CCDC60: variants seen among roughly 807,000 people sequenced by gnomAD.
CCDC60 encodes the protein coiled-coil domain-containing protein 60.
In CCDC60, 54 loss-of-function variants were observed where a neutral mutation model predicts 63.5. The observed-to-expected ratio is 0.85, with a 90% CI of 0.68 to 1.07. CCDC60 has a LOEUF of 1.07. Among genes scored for constraint, CCDC60 ranks in the 50% least tolerant of loss-of-function variants. The pLI, the probability that CCDC60 is intolerant of heterozygous loss-of-function variation, is 0.00. For missense variants in CCDC60, 651 were observed against 684.3 expected, an observed-to-expected ratio of 0.95 and a Z score of 0.54; for synonymous variants, 206 against 238.8, an observed-to-expected ratio of 0.86 and a Z score of 1.27.
chr12:119,458,661 C>T (rs1361773612), intron 2 of CCDC60, among the ~76,000 whole-genome samples: 2 of 152,004 alleles, frequency 1.3e-5, no homozygotes, highest in East Asian at 3.9e-4. Context: ...GGAGGGAGGC[C>T]GATTCAGGTC....
chr12:119,434,465 G>A (rs1040078409), intron 2 of CCDC60, among the ~76,000 whole-genome samples: 2 of 152,108 alleles, frequency 1.3e-5, no homozygotes, highest in Admixed American at 6.6e-5. Context: ...AAGAGATGAC[G>A]ACTTGCATTA....
chr12:119,540,674 C>G lies in CCDC60; in HGVS notation c.1612C>G (p.Arg538Gly). 1 of 1,613,964 alleles carries G rather than the reference C, an allele frequency of 6.2e-7. No homozygotes were observed. Among genetic ancestry groups the G allele is most frequent in the Non-Finnish European group, 8.5e-7 (1 of 1,179,992 alleles). The part of the protein sequence containing the change: ...QEDYISWLQS[R>G]INIPIGPYSA... ...GGATTACATCAGCTGGCTGCAGAGC[C>G]GGATCAACATACCCATTGGGCCCTA... Residue 538 changes from arginine to glycine, a missense_variant, in exon 14 of 14, where the codon CGG (arginine) becomes GGG (glycine). Coordinates refer to ENST00000327554, the MANE Select transcript of CCDC60 (RefSeq NM_178499.5).
chr12:119,423,879 A>C (rs562089153), intron 1 of CCDC60, among the ~76,000 whole-genome samples: 1 of 152,328 alleles, frequency 6.6e-6, no homozygotes, highest in African/African-American at 2.4e-5. Context: ...AGCTTACATC[A>C]TTCCAGACTC....
At chr12:119,411,815 C>A (rs997605759) in intron 1 of CCDC60, among the ~76,000 whole-genome samples, 1 of 152,036 alleles carries the variant, frequency 6.6e-6, no homozygotes, top group African/African-American at 2.4e-5. Flanking sequence ...TTTGGGGTAT[C>A]ATGTTCTGAG....
At chr12:119,437,259 A>G (rs1281735551) in intron 2 of CCDC60, among the ~76,000 whole-genome samples, 1 of 152,144 alleles carries the variant, frequency 6.6e-6, no homozygotes, top group African/African-American at 2.4e-5. Context: ...CATTGAAACA[A>G]TGCAAGTTCG....
chr12:119,479,238 G>C (rs1345036540), intron 4 of CCDC60, 37 bp downstream of exon 4: 4 of 1,481,748 alleles, frequency 2.7e-6, no homozygotes, highest in Non-Finnish European at 3.8e-6. Flanking sequence ...TGCTTTGCTA[G>C]CTTATAAATT....
intron 2 of CCDC60, among the ~76,000 whole-genome samples, chr12:119,450,868 A>AAAAGAG (rs112032535): frequency 0.067 from 9,418 of 141,574 alleles, 518 homozygotes; most frequent in East Asian, 0.28. Flanking sequence ...AAAAAAAAAA[A>AAAAGAG]AGAGAGAGAG....
chr12:119,436,123 G>A (rs1789844758), intron 2 of CCDC60, among the ~76,000 whole-genome samples: 1 of 152,260 alleles, frequency 6.6e-6, no homozygotes, highest in South Asian at 2.1e-4. Context: ...CAAGTTAAAG[G>A]TGGAAAAATA....
intron 2 of CCDC60, among the ~76,000 whole-genome samples, chr12:119,439,361 G>A (rs1343612751): frequency 1.3e-5 from 2 of 152,078 alleles, no homozygotes; most frequent in East Asian, 3.9e-4. Flanking sequence ...TAGACCTGGA[G>A]GGGAGAAGGG....
chr12:119,488,151 T>G (rs1290157171), intron 4 of CCDC60, among the ~76,000 whole-genome samples: 1 of 152,228 alleles, frequency 6.6e-6, no homozygotes, highest in Admixed American at 6.5e-5. Context: ...TAGTGAATAT[T>G]TTCAAGTAAT....
At chr12:119,471,149 G>A (rs138599168) in intron 2 of CCDC60, among the ~76,000 whole-genome samples, 56 of 152,332 alleles carry the variant, frequency 3.7e-4, no homozygotes, top group African/African-American at 1.1e-3. Flanking sequence ...GCAGGGAGGT[G>A]TGTAGCCCAT....
intron 1 of CCDC60, among the ~76,000 whole-genome samples, chr12:119,417,890 C>A (rs1056361316): frequency 2.0e-5 from 3 of 152,134 alleles, no homozygotes; most frequent in African/African-American, 4.8e-5. Context: ...TCCCAAAGCA[C>A]GGCTTCCATA....
intron 1 of CCDC60, among the ~76,000 whole-genome samples, chr12:119,358,301 T>TAGACC (rs2136161404): frequency 6.6e-6 from 1 of 152,286 alleles, no homozygotes; most frequent in African/African-American, 2.4e-5. Context: ...ATAAGGTGAT[T>TAGACC]AGACCAGAAA....
intron 2 of CCDC60, among the ~76,000 whole-genome samples, chr12:119,443,568 T>C (rs1277187316): frequency 6.6e-6 from 1 of 152,146 alleles, no homozygotes; most frequent in Admixed American, 6.5e-5. Context: ...TTCAAAGTCA[T>C]GATAATAATA....
At chr12:119,408,380 T>G (rs930248883) in intron 1 of CCDC60, among the ~76,000 whole-genome samples, 2 of 152,248 alleles carry the variant, frequency 1.3e-5, no homozygotes, top group Non-Finnish European at 2.9e-5. Flanking sequence ...AGATGGCAGC[T>G]GGGCCTACAG....
chr12:119,386,057 C>T (rs931519916), intron 1 of CCDC60, among the ~76,000 whole-genome samples: 1 of 152,204 alleles, frequency 6.6e-6, no homozygotes, highest in African/African-American at 2.4e-5. Flanking sequence ...CAGCACAGAA[C>T]AACCACTAAC....
chr12:119,514,691 T>C lies in CCDC60; in HGVS notation c.884-1932T>C, dbSNP rs552477838. On this transcript the variant is annotated intron_variant, in intron 7 of 13. Coordinates refer to ENST00000327554, the MANE Select transcript of CCDC60 (RefSeq NM_178499.5). ...AAAAGTACAGTAAGCTAAGTTTAAT[T>C]TATTATTGAAGAAAGAAAAATATTT... Among the ~76,000 whole-genome samples, 3 of 152,262 alleles carry C rather than the reference T, an allele frequency of 2.0e-5. No individual in the cohort carries two copies. In the East Asian group the frequency reaches 5.8e-4, roughly 29 times the overall value.
At chr12:119,457,782 C>T (rs910450740) in intron 2 of CCDC60, among the ~76,000 whole-genome samples, 1 of 152,214 alleles carries the variant, frequency 6.6e-6, no homozygotes, top group Non-Finnish European at 1.5e-5. Context: ...GTTGTGACTA[C>T]AGTTGACTGA....
chr12:119,500,210 C>G (rs1250680914), intron 6 of CCDC60, 42 bp downstream of exon 6: 3 of 1,340,106 alleles, frequency 2.2e-6, no homozygotes, highest in Non-Finnish European at 2.1e-6. Flanking sequence ...CTCCTAGGTC[C>G]CAGCTTGTGT....
Sources: allele counts gnomAD v4.1 joint callset (sites outside exome capture counted in the v4.1 genomes callset), GRCh38; gene constraint gnomAD v4.1.1; transcripts MANE v1.5; gene names NCBI Gene and HGNC (gene_info 2026-07-23, HGNC 2026-07-21).